Variants in C22orf39 observed in about 807,000 individuals in gnomAD.
C22orf39 encodes synaptic plasticity regulator PANTS.
C22orf39 carries 20 observed loss-of-function variants against 18.3 expected under a neutral mutation model. That is an observed-to-expected ratio of 1.09 (90% CI 0.77 to 1.59). The LOEUF is 1.59. Among genes scored for constraint, C22orf39 ranks in the 40% most tolerant of loss-of-function variants. The pLI is 0.00. For synonymous variants in C22orf39, 63 were observed against 59.6 expected (o/e 1.06, Z -0.26); for missense variants, 195 against 156.1 (o/e 1.25, Z -1.33).
Position 19,442,673 on chromosome 22 carries a change from A to G in C22orf39, c.*1592T>C, listed in dbSNP as rs1648746111. ...AACCTCTGCCTCTGGGGTTCAAGCAATTCTCCTGTCTCAGCTTCCCGAGTA... is the reference window on the plus strand; with the variant it reads ...AACCTCTGCCTCTGGGGTTCAAGCAGTTCTCCTGTCTCAGCTTCCCGAGTA... On this transcript the variant is annotated 3_prime_UTR_variant, in exon 3 of 3. Transcript: ENST00000399562. 6.6e-6 allele frequency: 1 copy of G among 152,242 alleles called. No homozygotes were observed. Among genetic ancestry groups the G allele is most frequent in the African/African-American group, 2.4e-5 (1 of 41,448 alleles). The allele number at this position is 152,242 out of a possible 1,614,324, so 9.4% of individuals were successfully genotyped here.
At chr22:19,444,592 C>T (rs2089630668) in intron 2 of C22orf39, among the ~76,000 whole-genome samples, 1 of 152,116 alleles carries the variant, frequency 6.6e-6, no homozygotes, top group Non-Finnish European at 1.5e-5. Context: ...CATTTTTTTT[C>T]TCACAAGCTA....
chr22:19,443,078 A>G lies in C22orf39; in HGVS notation c.*1187T>C. On this transcript the variant is annotated 3_prime_UTR_variant, in exon 3 of 3. Transcript: ENST00000399562. ...CCTGCTCTTGGGATCCCGTGAGCACAACCCCCACCCCCACCCCCACTGTTC... is the reference window on the plus strand; with the variant it reads ...CCTGCTCTTGGGATCCCGTGAGCACGACCCCCACCCCCACCCCCACTGTTC... 1 of 602,950 alleles carries G rather than the reference A, an allele frequency of 1.7e-6. No homozygotes were observed. Among genetic ancestry groups the G allele is most frequent in the Non-Finnish European group, 2.1e-6 (1 of 482,462 alleles). 37.3% of individuals were successfully genotyped at this position (602,950 alleles called of 1,614,324 possible).
intron 2 of C22orf39, among the ~76,000 whole-genome samples, chr22:19,445,967 C>A (rs868388676): frequency 6.6e-6 from 1 of 152,122 alleles, no homozygotes; most frequent in Non-Finnish European, 1.5e-5. Context: ...AGCCACCATG[C>A]CCAGGCTTTT....
At chr22:19,446,861 C>T (rs1240417801) in intron 2 of C22orf39, among the ~76,000 whole-genome samples, 3 of 152,160 alleles carry the variant, frequency 2.0e-5, no homozygotes, top group Non-Finnish European at 2.9e-5. Context: ...CGCCACCACA[C>T]TTTGCTAACA....
At position 19,447,665 on chromosome 22, in the gene C22orf39, C is replaced by G; in HGVS notation, c.24G>C (p.Gln8His). 1 of 1,610,804 alleles carries G rather than the reference C, an allele frequency of 6.2e-7. No homozygotes were observed. The highest frequency in any genetic ancestry group is 1.1e-5 in the South Asian group (1 of 90,776). ...CCCGGCTCCGACCCAGCACACTCAC[C>G]TGCCAGCCGCTGCCGTCCGCCATGT... MADGSGW[Q>H]PPRPCEAYRA... Residue 8 changes from glutamine to histidine, a missense_variant and splice_region_variant, in exon 1 of 3, where the codon CAG (glutamine) becomes CAC (histidine). Coordinates refer to ENST00000399562, the MANE Select transcript of C22orf39 (RefSeq NM_173793.5).
chr22:19,443,735 C>T lies in C22orf39; in HGVS notation c.*530G>A, dbSNP rs185036527. On this transcript the variant is annotated 3_prime_UTR_variant, in exon 3 of 3. Transcript: ENST00000399562. ...GGTGCAGAGGGGCCAGCAAGCCCTA[C>T]CTGCTCGGCACACCTGCCTGCATGT... The T allele has an allele frequency of 2.3e-4, 223 of 984,988 alleles. No homozygotes were observed. The highest frequency in any genetic ancestry group is 2.1e-3 in the Middle Eastern group (4 of 1,914). 61.0% of individuals were successfully genotyped at this position (984,988 alleles called of 1,614,324 possible). A position where few individuals can be genotyped will look rare whatever the true frequency, so the allele number is the denominator to read the frequency against.
Position 19,441,499 on chromosome 22 carries a change from T to C in C22orf39, c.*2766A>G. 3.4e-6 allele frequency: 2 copies of C among 594,242 alleles called. No individual in the cohort carries two copies. The highest frequency in any genetic ancestry group is 3.0e-6 in the Non-Finnish European group (1 of 335,218). The allele number at this position is 594,242 out of a possible 1,614,324, so 36.8% of individuals were successfully genotyped here. A position where few individuals can be genotyped will look rare whatever the true frequency, so the allele number is the denominator to read the frequency against. ...TAATGTAAAATACTTATTATTAATA[T>C]GGGGTTTTATCCAAAACATTTATTT... On this transcript the variant is annotated 3_prime_UTR_variant, in exon 3 of 3. Coordinates refer to ENST00000399562, the MANE Select transcript of C22orf39 (RefSeq NM_173793.5).
chr22:19,445,297 C>T (rs1417915182), intron 2 of C22orf39, among the ~76,000 whole-genome samples: 1 of 152,198 alleles, frequency 6.6e-6, no homozygotes, highest in Admixed American at 6.5e-5. Flanking sequence ...AAACAATACA[C>T]TGTAGGCACT....
intron 2 of C22orf39, 110 bp downstream of exon 2, chr22:19,447,268 G>A (rs1289568818): frequency 2.6e-6 from 3 of 1,161,106 alleles, no homozygotes; most frequent in Non-Finnish European, 3.4e-6. Flanking sequence ...GAGGAGGATA[G>A]GGACCCCGTC....
At chr22:19,444,938 T>A (rs943531486) in intron 2 of C22orf39, among the ~76,000 whole-genome samples, 1 of 152,228 alleles carries the variant, frequency 6.6e-6, no homozygotes, top group Non-Finnish European at 1.5e-5. Context: ...TCTTGGCTAC[T>A]GTCTCCCAAT....
chr22:19,444,200 G>A lies in C22orf39; in HGVS notation c.*65C>T. The A allele has an allele frequency of 6.7e-7, 1 of 1,500,268 alleles. No individual in the cohort carries two copies. Among genetic ancestry groups the A allele is most frequent in the Non-Finnish European group, 8.8e-7 (1 of 1,132,568 alleles). 92.9% of individuals were successfully genotyped at this position (1,500,268 alleles called of 1,614,324 possible). ...CTGTGTAGGCTGGTCACAGTCCCCA[G>A]GGCTGTGCAACAGCAACTTGAAACA... On this transcript the variant is annotated 3_prime_UTR_variant, in exon 3 of 3. Coordinates refer to ENST00000399562, the MANE Select transcript of C22orf39 (RefSeq NM_173793.5).
intron 2 of C22orf39, among the ~76,000 whole-genome samples, chr22:19,444,694 C>T (rs1462427390): frequency 1.3e-5 from 2 of 152,144 alleles, no homozygotes; most frequent in African/African-American, 2.4e-5. Flanking sequence ...TGGTTGACCT[C>T]GTGAGTCTGG....
rs778815866 is a variant in C22orf39, at chr22:19,441,723, C to T, written c.*2542G>A. ...TCCAAAAAGTTTGAAAGATATTGCTCTTATTACAGTATTTGTTTTCTTCAT... is the reference window on the plus strand; with the variant it reads ...TCCAAAAAGTTTGAAAGATATTGCTTTTATTACAGTATTTGTTTTCTTCAT... On this transcript the variant is annotated 3_prime_UTR_variant, in exon 3 of 3. Transcript: ENST00000399562. 1.8e-5 allele frequency: 28 copies of T among 1,546,466 alleles called. No individual in the cohort carries two copies. The highest frequency in any genetic ancestry group is 2.5e-5 in the East Asian group (1 of 40,610).
Position 19,444,113 on chromosome 22 carries a change from G to T in C22orf39, c.*152C>A. 1 of 1,361,690 alleles carries T rather than the reference G, an allele frequency of 7.3e-7. No homozygotes were observed. Among genetic ancestry groups the T allele is most frequent in the Non-Finnish European group, 9.4e-7 (1 of 1,065,664 alleles). The allele number at this position is 1,361,690 out of a possible 1,614,324, so 84.4% of individuals were successfully genotyped here. A position where few individuals can be genotyped will look rare whatever the true frequency, so the allele number is the denominator to read the frequency against. ...CTGCATGCAGGTGAGGGGTGGGCAA[G>T]TAGGGCTAGCAATGTCCTGCTCCAT... On this transcript the variant is annotated 3_prime_UTR_variant, in exon 3 of 3. Coordinates refer to ENST00000399562, the MANE Select transcript of C22orf39 (RefSeq NM_173793.5).
chr22:19,441,124 T>G lies in C22orf39; in HGVS notation c.*3141A>C, dbSNP rs763434844. The G allele has an allele frequency of 7.0e-4, 108 of 154,924 alleles. 1 individual carries two copies. Among genetic ancestry groups the G allele is most frequent in the South Asian group, 1.2e-3 (6 of 5,098 alleles). 9.6% of individuals were successfully genotyped at this position (154,924 alleles called of 1,614,324 possible). A position where few individuals can be genotyped will look rare whatever the true frequency, so the allele number is the denominator to read the frequency against. ...CTAACTCTACACAATTTTAACTTCA[T>G]GTATAGCCCTGTGTAACCACCAGTC... On this transcript the variant is annotated 3_prime_UTR_variant, in exon 3 of 3. Transcript: ENST00000399562.
chr22:19,443,937 C>A lies in C22orf39; in HGVS notation c.*328G>T. The A allele has an allele frequency of 9.4e-7, 1 of 1,065,412 alleles. No homozygotes were observed. Among genetic ancestry groups the A allele is most frequent in the Non-Finnish European group, 1.1e-6 (1 of 881,984 alleles). The allele number at this position is 1,065,412 out of a possible 1,614,324, so 66.0% of individuals were successfully genotyped here. A position where few individuals can be genotyped will look rare whatever the true frequency, so the allele number is the denominator to read the frequency against. On this transcript the variant is annotated 3_prime_UTR_variant, in exon 3 of 3. Coordinates refer to ENST00000399562, the MANE Select transcript of C22orf39 (RefSeq NM_173793.5). ...CAGGTCAGGGCTACCCTTCAGTTTA[C>A]CTGAGAAGCCTAGACCTCAGGACCG...
rs535718969 is a variant in C22orf39 at position 19,444,098 on chromosome 22, G to A, written c.*167C>T. ...CAGTGTCAGGGTATCCTGCATGCAG[G>A]TGAGGGGTGGGCAAGTAGGGCTAGC... On this transcript the variant is annotated 3_prime_UTR_variant, in exon 3 of 3. Transcript: ENST00000399562. 5 of 1,351,166 alleles carry A rather than the reference G, an allele frequency of 3.7e-6. No individual in the cohort carries two copies. Among genetic ancestry groups the A allele is most frequent in the South Asian group, 3.9e-5 (2 of 51,460 alleles). The allele number at this position is 1,351,166 out of a possible 1,614,324, so 83.7% of individuals were successfully genotyped here.
At position 19,442,763 on chromosome 22, in the gene C22orf39, G is replaced by A. The variant is rs2089620151; in HGVS notation, c.*1502C>T. On this transcript the variant is annotated 3_prime_UTR_variant, in exon 3 of 3. Coordinates refer to ENST00000399562, the MANE Select transcript of C22orf39 (RefSeq NM_173793.5). ...TTTGTATTTTTAATAGAGATGGGGG[G>A]TTTCAACCATGTTGGCCAGGCTGGT... is the stretch of plus-strand genomic sequence containing the variant. 6.6e-6 allele frequency: 1 copy of A among 152,144 alleles called. No individual in the cohort carries two copies. The highest frequency in any genetic ancestry group is 1.5e-5 in the Non-Finnish European group (1 of 68,060). The allele number at this position is 152,144 out of a possible 1,614,324, so 9.4% of individuals were successfully genotyped here. A position where few individuals can be genotyped will look rare whatever the true frequency, so the allele number is the denominator to read the frequency against.
At chr22:19,444,532 A>T (rs1392091964) in intron 2 of C22orf39, 142 bp from the exon 3 acceptor site, 6 of 754,292 alleles carry the variant, frequency 8.0e-6, no homozygotes, top group Non-Finnish European at 1.2e-5. Flanking sequence ...AGCTGCTTCC[A>T]CCTACTATAC....
Sources: allele counts gnomAD v4.1 joint callset (sites outside exome capture counted in the v4.1 genomes callset), GRCh38; gene constraint gnomAD v4.1.1; transcripts MANE v1.5; gene names NCBI Gene and HGNC (gene_info 2026-07-23, HGNC 2026-07-21).